The following OR51L1 variants were observed in gnomAD, a reference collection of about 807,000 sequenced individuals.
OR51L1 encodes the protein olfactory receptor family 51 subfamily L member 1, also known as olfactory receptor 51L1.
In OR51L1, 1 loss-of-function variant was observed where a neutral mutation model predicts 1.4. The ratio of observed to expected loss-of-function variants is 0.72; its 90% CI spans 0.26 to 3.42. The LOEUF (loss-of-function observed/expected upper bound fraction) is 3.42. Among genes scored for constraint, OR51L1 ranks in the 30% most tolerant of loss-of-function variants. OR51L1 has a pLI of 0.20. For missense variants in OR51L1, 378 were observed against 380.0 expected (o/e 0.99, Z 0.04); for synonymous variants, 156 against 144.2 (o/e 1.08, Z -0.59).
Position 4,999,005 on chromosome 11 carries a change from A to C in OR51L1, c.23A>C (p.Asp8Ala). MGDWNNS[D>A]AVEPIFILRG... ...ACTATGGGAGACTGGAATAACAGTG[A>C]TGCTGTGGAGCCCATATTTATCCTG... Residue 8 changes from aspartate (D) to alanine (A), a missense_variant, in exon 3 of 3, where the codon GAT becomes GCT. Asp to Ala is a moderately radical substitution (Grantham distance 126). Transcript: ENST00000641819. The C allele has an allele frequency of 6.2e-7, 1 of 1,613,910 alleles. No individual in the cohort carries two copies. Among genetic ancestry groups the C allele is most frequent in the Non-Finnish European group, 8.5e-7 (1 of 1,179,840 alleles).
chr11:4,998,238 C>T (rs1589828315), intron 2 of OR51L1, among the ~76,000 whole-genome samples: 1 of 147,556 alleles, frequency 6.8e-6, no homozygotes, highest in Non-Finnish European at 1.5e-5. Context: ...CACACACACG[C>T]ATATACACTC....
chr11:4,995,748 T>G (rs1176125703), intron 1 of OR51L1, among the ~76,000 whole-genome samples: 1 of 152,044 alleles, frequency 6.6e-6, no homozygotes, highest in East Asian at 1.9e-4. Flanking sequence ...TGTGATTAAG[T>G]TGTACTAAAA....
At position 4,999,826 on chromosome 11, in the gene OR51L1, T is replaced by C. The variant is rs763767794; in HGVS notation, c.844T>C (p.Tyr282His). ...PIVHILMADI[Y>H]LLLPPVLNPI... ...AGTCCACATCCTCATGGCAGACATC[T>C]ACCTTCTTCTTCCCCCAGTCCTTAA... Residue 282 changes from tyrosine (Y) to histidine (H), a missense_variant, in exon 3 of 3, where the codon TAC (tyrosine) becomes CAC (histidine). Physicochemically the swap from Tyr to His is moderately conservative, Grantham distance 83 (BLOSUM62 2). Transcript: ENST00000641819. The C allele has an allele frequency of 2.9e-5, 47 of 1,613,922 alleles. No individual in the cohort carries two copies. Among genetic ancestry groups the C allele is most frequent in the Non-Finnish European group, 3.6e-5 (43 of 1,179,988 alleles).
intron 2 of OR51L1, among the ~76,000 whole-genome samples, chr11:4,998,343 C>T (rs931025019): frequency 1.3e-5 from 2 of 151,846 alleles, no homozygotes; most frequent in Non-Finnish European, 2.9e-5. Context: ...GGTTAAATAG[C>T]AGCTCAATAA....
chr11:5,005,378 T>A lies in OR51L1; in HGVS notation c.*5448T>A, dbSNP rs1847167319. On this transcript the variant is annotated 3_prime_UTR_variant, in exon 3 of 3. Transcript: ENST00000641819. ...AACACTAACTGAAGTCTCAGGAATG[T>A]AACTATTTCCCCTACTGCCCAACCT... 6.6e-6 allele frequency: 1 copy of A among 152,194 alleles called. No individual in the cohort carries two copies. The allele number at this position is 152,194 out of a possible 1,614,324, so 9.4% of individuals were successfully genotyped here.
rs1847113961 is a variant in OR51L1, at chr11:4,999,898, C to T, written c.916C>T (p.Leu306Phe). ...AACAAAGCAGATTCGTCTAGGAATT[C>T]TCCACAAGTTTGTCCTAAGGAGGAG... is the stretch of plus-strand genomic sequence containing the variant. The part of the protein sequence containing the change: ...VRTKQIRLGI[L>F]HKFVLRRRF The change falls in exon 3 of 3, where the codon CTC (leucine) becomes TTC (phenylalanine). Residue 306 changes from leucine to phenylalanine, a missense_variant. Coordinates refer to ENST00000641819, the MANE Select transcript of OR51L1 (RefSeq NM_001004755.2). 3.7e-6 allele frequency: 6 copies of T among 1,613,014 alleles called. No individual in the cohort carries two copies. The highest frequency in any genetic ancestry group is 1.1e-5 in the South Asian group (1 of 90,920).
intron 1 of OR51L1, among the ~76,000 whole-genome samples, chr11:4,996,203 A>C (rs1229805690): frequency 6.7e-6 from 1 of 149,598 alleles, no homozygotes; most frequent in Non-Finnish European, 1.5e-5. Flanking sequence ...AAATTTGCCA[A>C]GAGAGTAGAG....
At position 4,999,056 on chromosome 11, in the gene OR51L1, T is replaced by C; in HGVS notation, c.74T>C (p.Val25Ala). The C allele has an allele frequency of 6.2e-7, 1 of 1,614,098 alleles. No homozygotes were observed. The highest frequency in any genetic ancestry group is 1.1e-5 in the South Asian group (1 of 91,080). The change falls in exon 3 of 3, where the codon GTT (valine) becomes GCT (alanine). Residue 25 changes from valine to alanine, a missense_variant. Transcript: ENST00000641819. ...AGGGGTTTTCCTGGACTGGAGTATG[T>C]TCATTCTTGGCTCTCCATCCTCTTC... ...ILRGFPGLEY[V>A]HSWLSILFCL...
rs115805265 is a variant in OR51L1, at chr11:5,000,225, C to T, written c.*295C>T. ...AAAATTATTAATGTTATTAAGTTGT[C>T]ATTGTTGTTAATGATAACAGTATTT... On this transcript the variant is annotated 3_prime_UTR_variant, in exon 3 of 3. Coordinates refer to ENST00000641819, the MANE Select transcript of OR51L1 (RefSeq NM_001004755.2). 6.6e-3 allele frequency: 1,650 copies of T among 248,618 alleles called. 26 individuals carry two copies. The highest frequency in any genetic ancestry group is 0.038 in the African/African-American group (1,532 of 40,670). The allele number at this position is 248,618 out of a possible 1,614,324, so 15.4% of individuals were successfully genotyped here.
rs1350841002 is a variant in OR51L1 at position 5,000,904 on chromosome 11, G to A, written c.*974G>A. 6.6e-6 allele frequency: 1 copy of A among 152,160 alleles called. No individual in the cohort carries two copies. The highest frequency in any genetic ancestry group is 1.5e-5 in the Non-Finnish European group (1 of 68,158). The allele number at this position is 152,160 out of a possible 1,614,324, so 9.4% of individuals were successfully genotyped here. Reference sequence around the variant, plus strand: ...GGTTTGTTTTAAGACTTGGTCTATGGAACTTCTTTTTCTTTCTTTTTCTTT... The same window carrying A: ...GGTTTGTTTTAAGACTTGGTCTATGAAACTTCTTTTTCTTTCTTTTTCTTT... On this transcript the variant is annotated 3_prime_UTR_variant, in exon 3 of 3. Coordinates refer to ENST00000641819, the MANE Select transcript of OR51L1 (RefSeq NM_001004755.2).
At position 5,003,679 on chromosome 11, in the gene OR51L1, G is replaced by A. The variant is rs1301338221; in HGVS notation, c.*3749G>A. On this transcript the variant is annotated 3_prime_UTR_variant, in exon 3 of 3. Transcript: ENST00000641819. The stretch of plus-strand genomic sequence containing the variant: ...TTTTTTCAGGCAGATGAAACAGGAT[G>A]AGAATTCAAGAGCAAATATCCATGG... 1 of 152,068 alleles carries A rather than the reference G, an allele frequency of 6.6e-6. No homozygotes were observed. The highest frequency in any genetic ancestry group is 1.5e-5 in the Non-Finnish European group (1 of 68,014). The allele number at this position is 152,068 out of a possible 1,614,324, so 9.4% of individuals were successfully genotyped here.
At position 4,999,711 on chromosome 11, in the gene OR51L1, T is replaced by G. The variant is rs1366777902; in HGVS notation, c.729T>G (p.Cys243Trp). 6.2e-7 allele frequency: 1 copy of G among 1,614,038 alleles called. No homozygotes were observed. Among genetic ancestry groups the G allele is most frequent in the Admixed American group, 1.7e-5 (1 of 59,990 alleles). Residue 243 changes from cysteine (C) to tryptophan (W), a missense_variant, in exon 3 of 3, where the codon TGT (cysteine) becomes TGG (tryptophan). Physicochemically the swap from Cys to Trp is radical, Grantham distance 215. Coordinates refer to ENST00000641819, the MANE Select transcript of OR51L1 (RefSeq NM_001004755.2). ...AGCAGCTAAAGGCACTCAACACATGTGTATCCCATATCTGTGTGGTGCTTA... is the reference window on the plus strand; with the variant it reads ...AGCAGCTAAAGGCACTCAACACATGGGTATCCCATATCTGTGTGGTGCTTA... The part of the protein sequence containing the change: ...REEQLKALNT[C>W]VSHICVVLIF...
Position 4,998,836 on chromosome 11 carries a change from A to T in OR51L1, c.-147A>T. On this transcript the variant is annotated 5_prime_UTR_variant, in exon 3 of 3. Transcript: ENST00000641819. ...GTTTTTTACATAGGGCCGACAAGAG[A>T]TACCAGCTTCCTTCCTCTGTGAGGT... The T allele has an allele frequency of 1.2e-6, 1 of 846,016 alleles. No homozygotes were observed. The highest frequency in any genetic ancestry group is 1.8e-6 in the Non-Finnish European group (1 of 551,198). The allele number at this position is 846,016 out of a possible 1,614,324, so 52.4% of individuals were successfully genotyped here. A position where few individuals can be genotyped will look rare whatever the true frequency, so the allele number is the denominator to read the frequency against.
At chr11:4,998,767 C>G (rs1185192078) in intron 2 of OR51L1, 57 bp from the exon 3 acceptor site, 2 of 529,722 alleles carry the variant, frequency 3.8e-6, no homozygotes, top group African/African-American at 3.8e-5. Context: ...TTTGTGTAGT[C>G]CACATTTTTG....
Position 5,000,710 on chromosome 11 carries a change from A to C in OR51L1, c.*780A>C, listed in dbSNP as rs924892527. ...TTGTACTGAAAGGAGACACTTCAGCATTCTGGGCAGAAAGCAGGGTTTTAA... is the reference window on the plus strand; with the variant it reads ...TTGTACTGAAAGGAGACACTTCAGCCTTCTGGGCAGAAAGCAGGGTTTTAA... On this transcript the variant is annotated 3_prime_UTR_variant, in exon 3 of 3. Transcript: ENST00000641819. The C allele has an allele frequency of 6.6e-6, 1 of 152,250 alleles. No individual in the cohort carries two copies. Among genetic ancestry groups the C allele is most frequent in the African/African-American group, 2.4e-5 (1 of 41,450 alleles). 9.4% of individuals were successfully genotyped at this position (152,250 alleles called of 1,614,324 possible).
Position 5,002,754 on chromosome 11 carries a change from T to A in OR51L1, c.*2824T>A, listed in dbSNP as rs1371490288. ...CTTCAGGCCTGATTCACAGGTCAAC[T>A]TTTCCCTCTGCCCAATCCTACCCAC... is the stretch of plus-strand genomic sequence containing the variant. On this transcript the variant is annotated 3_prime_UTR_variant, in exon 3 of 3. Transcript: ENST00000641819. The A allele has an allele frequency of 6.6e-6, 1 of 152,168 alleles. No homozygotes were observed. Among genetic ancestry groups the A allele is most frequent in the East Asian group, 1.9e-4 (1 of 5,194 alleles). 9.4% of individuals were successfully genotyped at this position (152,168 alleles called of 1,614,324 possible).
At position 4,995,317 on chromosome 11, in the gene OR51L1, C is replaced by T. The variant is rs1847058706; in HGVS notation, c.-280C>T. On this transcript the variant is annotated 5_prime_UTR_variant, in exon 1 of 3. Coordinates refer to ENST00000641819, the MANE Select transcript of OR51L1 (RefSeq NM_001004755.2). ...TTAACTAGGCATATTGATTCAATTGCCTTATATTTAAATTTCAGGTAAGTG... is the reference window on the plus strand; with the variant it reads ...TTAACTAGGCATATTGATTCAATTGTCTTATATTTAAATTTCAGGTAAGTG... The T allele has an allele frequency of 6.6e-6, 1 of 151,870 alleles. No individual in the cohort carries two copies. Among genetic ancestry groups the T allele is most frequent in the African/African-American group, 2.4e-5 (1 of 41,354 alleles). The allele number at this position is 151,870 out of a possible 1,614,324, so 9.4% of individuals were successfully genotyped here.
At chr11:4,997,829 G>A (rs1366070889) in intron 2 of OR51L1, among the ~76,000 whole-genome samples, 4 of 152,134 alleles carry the variant, frequency 2.6e-5, no homozygotes, top group Non-Finnish European at 4.4e-5. Flanking sequence ...GAAGAGCTTG[G>A]TTGTTTCTAA....
rs755992283 is a variant in OR51L1 at position 4,999,628 on chromosome 11, A to C, written c.646A>C (p.Ile216Leu). The C allele has an allele frequency of 6.2e-6, 10 of 1,613,792 alleles. No individual in the cohort carries two copies. Among genetic ancestry groups the C allele is most frequent in the Non-Finnish European group, 8.5e-6 (10 of 1,179,932 alleles). The change falls in exon 3 of 3, where the codon ATA becomes CTA. Residue 216 changes from isoleucine (I) to leucine (L), a missense_variant. Coordinates refer to ENST00000641819, the MANE Select transcript of OR51L1 (RefSeq NM_001004755.2). ...CACACTAGGTGTGGATTCAATCTTC[A>C]TACTTCTTTCTTATGTTCTGATTCT... ...IATLGVDSIF[I>L]LLSYVLILNT...
Sources: allele counts gnomAD v4.1 joint callset (sites outside exome capture counted in the v4.1 genomes callset), GRCh38; gene constraint gnomAD v4.1.1; transcripts MANE v1.5; gene names NCBI Gene and HGNC (gene_info 2026-07-23, HGNC 2026-07-21).